The following SEPTIN10 variants were observed in gnomAD, a reference collection of about 807,000 sequenced individuals.
SEPTIN10 encodes septin-10.
Under a neutral mutation model 54.8 loss-of-function variants are expected in SEPTIN10, and 66 were observed. The observed-to-expected ratio is 1.21, with a 90% CI of 0.99 to 1.48. SEPTIN10 has a LOEUF of 1.48. Among genes scored for constraint, SEPTIN10 ranks in the 40% most tolerant of loss-of-function variants. SEPTIN10 has a pLI of 0.00. For missense variants in SEPTIN10, 620 were observed against 545.6 expected (o/e 1.14, Z -1.36); for synonymous variants, 161 against 181.0 (o/e 0.89, Z 0.89).
chr2:109,596,525 G>A (rs532209791), intron 1 of SEPTIN10, among the ~76,000 whole-genome samples: 26 of 151,996 alleles, frequency 1.7e-4, no homozygotes, highest in Non-Finnish European at 3.5e-4. Flanking sequence ...GCTGAGGCAG[G>A]AGAATGGCGT....
intron 1 of SEPTIN10, among the ~76,000 whole-genome samples, chr2:109,595,490 G>C (rs1190415556): frequency 6.6e-6 from 1 of 152,122 alleles, no homozygotes; most frequent in African/African-American, 2.4e-5. Context: ...CGTCCCTCTA[G>C]TCTGTAGGAC....
chr2:109,600,001 T>C (rs1477231003), intron 1 of SEPTIN10, among the ~76,000 whole-genome samples: 1 of 152,222 alleles, frequency 6.6e-6, no homozygotes, highest in Non-Finnish European at 1.5e-5. Context: ...CCTAGTCCTG[T>C]GGCCTACAAA....
At chr2:109,580,349 CA>C (rs3058505) in intron 4 of SEPTIN10, among the ~76,000 whole-genome samples, 62,764 of 135,760 alleles carry the variant, frequency 0.46, 14,452 homozygotes, top group East Asian at 0.71. Flanking sequence ...CCATAAAATG[CA>C]AAAAAAAAAA....
intron 1 of SEPTIN10, chr2:109,613,069 CA>C: frequency 1.7e-6 from 1 of 603,706 alleles, no homozygotes; most frequent in South Asian, 1.5e-5. Flanking sequence ...TTTAAGAATA[CA>C]CAGGCATCGG....
At chr2:109,607,559 G>A (rs1698277797) in intron 1 of SEPTIN10, among the ~76,000 whole-genome samples, 1 of 152,082 alleles carries the variant, frequency 6.6e-6, no homozygotes, top group South Asian at 2.1e-4. Flanking sequence ...ATATTCTTTA[G>A]TACTGGATTC....
intron 5 of SEPTIN10, among the ~76,000 whole-genome samples, chr2:109,570,710 G>A (rs1006789947): frequency 6.6e-6 from 1 of 152,058 alleles, no homozygotes; most frequent in African/African-American, 2.4e-5. Context: ...TTTTAGTAGA[G>A]ATGGGGTTTC....
At chr2:109,591,607 G>C (rs905812222) in intron 2 of SEPTIN10, among the ~76,000 whole-genome samples, 1 of 152,164 alleles carries the variant, frequency 6.6e-6, no homozygotes, top group Non-Finnish European at 1.5e-5. Context: ...TAATCTTACT[G>C]AATTACTGGC....
At chr2:109,578,597 T>C (rs1690301262) in intron 4 of SEPTIN10, among the ~76,000 whole-genome samples, 1 of 151,962 alleles carries the variant, frequency 6.6e-6, no homozygotes, top group African/African-American at 2.4e-5. Context: ...CGAAACCCCA[T>C]CTCTACTAAA....
intron 6 of SEPTIN10, among the ~76,000 whole-genome samples, chr2:109,566,520 A>G (rs1239693895): frequency 1.3e-5 from 2 of 152,172 alleles, no homozygotes; most frequent in Admixed American, 6.5e-5. Context: ...TACAAAATGT[A>G]TATGTAACTA....
intron 2 of SEPTIN10, among the ~76,000 whole-genome samples, chr2:109,588,105 C>A (rs1484656575): frequency 6.6e-6 from 1 of 151,302 alleles, no homozygotes; most frequent in Non-Finnish European, 1.5e-5. Flanking sequence ...AAAATGCCCC[C>A]CGCCAAAAAA....
In SEPTIN10 at chr2:109,568,373, C is replaced by CTT. The variant is rs5833333; in HGVS notation, c.601-399_601-398dup. ...TTCCTACAGATGCCAGCCACACAAT[C>CTT]TTTTTTTTTTTTTTTTTTGAGATGG... On this transcript the variant is annotated intron_variant, in intron 5 of 10. Transcript: ENST00000397712. 1.3e-3 allele frequency among the ~76,000 whole-genome samples: 174 copies of CTT among 129,168 alleles called. 1 individual carries two copies. Among genetic ancestry groups the CTT allele is most frequent in the Middle Eastern group, 4.3e-3 (1 of 234 alleles). 84.7% of individuals were successfully genotyped at this position (129,168 alleles called of 152,430 possible). A position where few individuals can be genotyped will look rare whatever the true frequency, so the allele number is the denominator to read the frequency against.
Position 109,546,251 on chromosome 2 carries a change from T to G in SEPTIN10, c.1162-14A>C, listed in dbSNP as rs543405732. ...TTTGGCCTGTAGCTGGAAACAAAAGTGCAATCCCCACTACTGACACAGCGC... is the reference window on the plus strand; with the variant it reads ...TTTGGCCTGTAGCTGGAAACAAAAGGGCAATCCCCACTACTGACACAGCGC... On this transcript the variant is annotated splice_polypyrimidine_tract_variant and intron_variant, in intron 9 of 10. Transcript: ENST00000397712. 9 of 1,526,232 alleles carry G rather than the reference T, an allele frequency of 5.9e-6. No individual in the cohort carries two copies. The East Asian group carries it at 2.1e-4, about 36-fold the overall frequency. 94.5% of individuals were successfully genotyped at this position (1,526,232 alleles called of 1,614,324 possible). A position where few individuals can be genotyped will look rare whatever the true frequency, so the allele number is the denominator to read the frequency against.
chr2:109,599,334 T>C (rs1282996930), intron 1 of SEPTIN10, among the ~76,000 whole-genome samples: 2 of 151,858 alleles, frequency 1.3e-5, no homozygotes, highest in Non-Finnish European at 2.9e-5. Flanking sequence ...GGTGTGTGCC[T>C]GTAATCCCAG....
intron 1 of SEPTIN10, among the ~76,000 whole-genome samples, chr2:109,597,386 T>A (rs1294116948): frequency 1.3e-5 from 2 of 152,234 alleles, no homozygotes; most frequent in Non-Finnish European, 2.9e-5. Context: ...TCTGGCCTGC[T>A]CTATTGTTGA....
chr2:109,546,847 T>C lies in SEPTIN10; in HGVS notation c.1162-610A>G, dbSNP rs573406550. Among the ~76,000 whole-genome samples, 4 of 152,284 alleles carry C rather than the reference T, an allele frequency of 2.6e-5. No homozygotes were observed. In the East Asian group the frequency reaches 7.7e-4, roughly 29 times the overall value. The stretch of plus-strand genomic sequence containing the variant: ...ATACTCATCATAGTAGAATTTACAC[T>C]ATAATAGGAAAAACATTGCCTACAT... On this transcript the variant is annotated intron_variant, in intron 9 of 10. Transcript: ENST00000397712.
chr2:109,589,315 T>C (rs528965569), intron 2 of SEPTIN10, among the ~76,000 whole-genome samples: 10 of 152,154 alleles, frequency 6.6e-5, no homozygotes, highest in African/African-American at 2.4e-4. Context: ...GGCAGGTTAC[T>C]TGAGGCCAGG....
rs557353553 is a variant in SEPTIN10, at chr2:109,588,784, C to A, written c.100-2946G>T. Among the ~76,000 whole-genome samples the A allele has an allele frequency of 6.0e-5, 9 of 150,030 alleles. No homozygotes were observed. In the East Asian group the frequency reaches 1.6e-3, roughly 26 times the overall value. On this transcript the variant is annotated intron_variant, in intron 2 of 10. Transcript: ENST00000397712. ...AGGATTACAGGCGTGAGCCACCATG[C>A]CAGGCTAAAATATTATATTATTTGA...
At chr2:109,598,690 A>G (rs1481029064) in intron 1 of SEPTIN10, among the ~76,000 whole-genome samples, 1 of 151,852 alleles carries the variant, frequency 6.6e-6, no homozygotes, top group Non-Finnish European at 1.5e-5. Flanking sequence ...TAAAAATACA[A>G]AAATTAGCCA....
rs183006953 is a variant in SEPTIN10 at position 109,589,163 on chromosome 2, G to C, written c.100-3325C>G. On this transcript the variant is annotated intron_variant, in intron 2 of 10. Transcript: ENST00000397712. ...TTTGTTTTTTGTTTTTCTTTTTTGA[G>C]ATGGAGTCTCACTCTGTCACCCAGG... Among the ~76,000 whole-genome samples, 65 of 151,978 alleles carry C rather than the reference G, an allele frequency of 4.3e-4. No individual in the cohort carries two copies. In the East Asian group the frequency reaches 0.011, roughly 25 times the overall value.
Sources: gnomAD v4.1 joint callset for allele counts (sites outside exome capture counted in the v4.1 genomes callset) on GRCh38, gnomAD v4.1.1 for gene constraint, MANE v1.5 for transcripts, NCBI Gene and HGNC (gene_info 2026-07-23, HGNC 2026-07-21) for gene names.